TSPAN1: variants seen among roughly 807,000 people sequenced by gnomAD.
The protein encoded by TSPAN1 is tetraspanin 1, also known as tetraspanin-1.
Under a neutral mutation model 26.9 loss-of-function variants are expected in TSPAN1, and 23 were observed. That is an observed-to-expected ratio of 0.85 (90% CI 0.62 to 1.21). The LOEUF (loss-of-function observed/expected upper bound fraction) is 1.21, where lower values mean the gene tolerates loss of function less well. TSPAN1 is among the 50% of genes most tolerant of loss of function. TSPAN1 has a pLI of 0.00. For synonymous variants in TSPAN1, 115 were observed against 114.8 expected, an observed-to-expected ratio of 1.00 and a Z score of -0.01; for missense variants, 283 against 298.4, an observed-to-expected ratio of 0.95 and a Z score of 0.38.
At chr1:46,178,215 G>T (rs1035320232) in intron 1 of TSPAN1, among the ~76,000 whole-genome samples, 6 of 151,978 alleles carry the variant, frequency 3.9e-5, no homozygotes, top group Non-Finnish European at 7.4e-5. Context: ...AAATTAGCTG[G>T]GTGTGGTGGT....
the TSPAN1 span, chr1:46,195,996 A>G: frequency 6.2e-7 from 1 of 1,613,904 alleles, no homozygotes. Context: ...TGGGTCACCC[A>G]CCCCTAGAAA....
At chr1:46,184,470 C>T (rs1657381186) in intron 4 of TSPAN1, 73 bp downstream of exon 4, 1 of 1,609,414 alleles carries the variant, frequency 6.2e-7, no homozygotes, top group African/African-American at 1.3e-5. Flanking sequence ...CTGGGATTCC[C>T]AAACCCTGCT....
At chr1:46,180,321 C>A (rs1657285647) in intron 1 of TSPAN1, among the ~76,000 whole-genome samples, 1 of 152,204 alleles carries the variant, frequency 6.6e-6, no homozygotes, top group Non-Finnish European at 1.5e-5. Flanking sequence ...AAGCCACTTG[C>A]CCCACCCCTG....
rs1467163849 is a variant in TSPAN1 at position 46,179,985 on chromosome 1, GTGTT to G, written c.-141-537_-141-534del. Among the ~76,000 whole-genome samples the G allele has an allele frequency of 7.9e-5, 12 of 151,924 alleles. 1 individual carries two copies. The highest frequency in any genetic ancestry group is 1.9e-4 in the African/African-American group (8 of 41,284). ...AGGGAGTGTGTGTGTGTGTGTGTGT[GTGTT>G]TGTGTGTGTGTGTGAGTGAAAGAGA... On this transcript the variant is annotated intron_variant, in intron 1 of 8. Coordinates refer to ENST00000372003, the MANE Select transcript of TSPAN1 (RefSeq NM_005727.4).
chr1:46,195,855 G>A, the TSPAN1 span: 2 of 1,612,156 alleles, frequency 1.2e-6, no homozygotes, highest in South Asian at 2.2e-5. Context: ...ACCATGTTGA[G>A]GAATAGCACC....
downstream of TSPAN1, chr1:46,189,521 A>G (rs1352149832): frequency 2.5e-6 from 4 of 1,613,426 alleles, no homozygotes; most frequent in South Asian, 1.1e-5. Flanking sequence ...CAATCTCCAC[A>G]GGCCCCGATG....
the TSPAN1 span, chr1:46,195,834 G>A: frequency 1.9e-6 from 3 of 1,603,116 alleles, no homozygotes; most frequent in South Asian, 1.1e-5. Context: ...ATGAGCACTC[G>A]GCCGGGCGCT....
intron 1 of TSPAN1, among the ~76,000 whole-genome samples, chr1:46,179,683 T>A (rs1479366161): frequency 1.3e-5 from 2 of 152,018 alleles, no homozygotes; most frequent in Non-Finnish European, 2.9e-5. Flanking sequence ...CACAGAGCCT[T>A]GGAACTGGGG....
At chr1:46,190,764 G>A (rs1057521878), downstream of TSPAN1, 1 of 1,613,806 alleles carries the variant, frequency 6.2e-7, no homozygotes, top group Non-Finnish European at 8.5e-7. Flanking sequence ...TGTTGAACTT[G>A]TGCTTCTTGA....
At chr1:46,191,090 A>T in the TSPAN1 span, 1 of 380,390 alleles carries the variant, frequency 2.6e-6, no homozygotes, top group East Asian at 6.4e-5. Flanking sequence ...TTCTAGAGCC[A>T]CAGATGTCAG....
chr1:46,184,218 G>A lies in TSPAN1; in HGVS notation c.85G>A (p.Gly29Ser), dbSNP rs1657373728. The change falls in exon 4 of 9, where the codon GGC becomes AGC. Residue 29 changes from glycine (G) to serine (S), a missense_variant. Transcript: ENST00000372003. ...FLCGAALLAV[G>S]IWVSIDGASF... ...GTGTGGTGCAGCCCTGTTGGCAGTG[G>A]GCATCTGGGTGTCAATCGATGGGGC... The A allele has an allele frequency of 1.9e-6, 3 of 1,614,044 alleles. No individual in the cohort carries two copies. The highest frequency in any genetic ancestry group is 2.5e-6 in the Non-Finnish European group (3 of 1,180,042).
chr1:46,184,926 C>G, intron 6 of TSPAN1, 34 bp from the exon 7 acceptor site: 1 of 1,614,034 alleles, frequency 6.2e-7, no homozygotes, highest in East Asian at 2.2e-5. Flanking sequence ...GAGAAAGAAG[C>G]AAGGCCCCAC....
At chr1:46,175,911 C>T (rs1428236164) in intron 1 of TSPAN1, 28 of 423,990 alleles carry the variant, frequency 6.6e-5, no homozygotes, top group Non-Finnish European at 8.3e-6. Flanking sequence ...CTAGCTCTGT[C>T]ACCCAGGCTG....
the TSPAN1 span, chr1:46,193,163 T>C: frequency 6.2e-7 from 1 of 1,614,122 alleles, no homozygotes; most frequent in Non-Finnish European, 8.5e-7. Context: ...AGTTGTATCC[T>C]TAGTACTCAC....
At chr1:46,190,891 G>T, downstream of TSPAN1, 2 of 1,042,726 alleles carry the variant, frequency 1.9e-6, no homozygotes, top group Non-Finnish European at 3.0e-6. Flanking sequence ...TCCTAGACCT[G>T]TAAAGAGCCC....
the TSPAN1 span, chr1:46,195,025 G>A: frequency 4.2e-6 from 6 of 1,444,034 alleles, no homozygotes; most frequent in South Asian, 3.4e-5. Flanking sequence ...GCCTCACAGA[G>A]CACGAACTAT....
At chr1:46,194,907 C>T in the TSPAN1 span, 1 of 1,614,166 alleles carries the variant, frequency 6.2e-7, no homozygotes, top group South Asian at 1.1e-5. Context: ...GCCTGGCTGC[C>T]CAGGCTCCTC....
chr1:46,188,073 C>G (rs1053167271), downstream of TSPAN1, among the ~76,000 whole-genome samples: 3 of 152,174 alleles, frequency 2.0e-5, no homozygotes, highest in African/African-American at 7.2e-5. Context: ...TTTCTGGTGC[C>G]CCTATGACTA....
chr1:46,190,516 G>T, downstream of TSPAN1: 1 of 1,604,518 alleles, frequency 6.2e-7, no homozygotes, highest in South Asian at 1.1e-5. Flanking sequence ...TCTTTCTTCA[G>T]ACTGAAGAGG....
Sources: allele counts gnomAD v4.1 joint callset (sites outside exome capture counted in the v4.1 genomes callset), GRCh38; gene constraint gnomAD v4.1.1; transcripts MANE v1.5; gene names NCBI Gene and HGNC (gene_info 2026-07-23, HGNC 2026-07-21).